Variants in LARGE1 observed in about 807,000 individuals in gnomAD.
LARGE1 encodes the protein xylosyl- and glucuronyltransferase LARGE1.
A neutral mutation model predicts 87.6 loss-of-function variants in LARGE1; 43 were observed. The observed-to-expected ratio is 0.49, with a 90% CI of 0.38 to 0.63. The LOEUF (loss-of-function observed/expected upper bound fraction) is 0.63. LARGE1 is among the 30% of genes least tolerant of loss of function. LARGE1 has a pLI of 0.00. For missense variants in LARGE1, 802 were observed against 1,000.2 expected, an observed-to-expected ratio of 0.80 and a Z score of 2.67; for synonymous variants, 434 against 394.6, an observed-to-expected ratio of 1.10 and a Z score of -1.18.
At position 33,832,626 on chromosome 22, in the gene LARGE1, C is replaced by G. The variant is rs1477034024; in HGVS notation, c.-82-71068G>C. 2.6e-5 allele frequency among the ~76,000 whole-genome samples: 4 copies of G among 152,234 alleles called. No individual in the cohort carries two copies. In the East Asian group the frequency reaches 7.7e-4, roughly 29 times the overall value. On this transcript the variant is annotated intron_variant, in intron 1 of 14. Transcript: ENST00000397394. ...GCAACCCCAGAGGGCTCGGAATCAG[C>G]TGACTGTACCCACTGTGCATAGGCT...
chr22:33,309,099 C>A (rs553868855), intron 11 of LARGE1, among the ~76,000 whole-genome samples: 4 of 151,866 alleles, frequency 2.6e-5, no homozygotes, highest in East Asian at 3.9e-4. Context: ...AAAAGACAAT[C>A]GACAAACCAG....
chr22:33,598,590 T>C (rs1373014065), intron 5 of LARGE1, among the ~76,000 whole-genome samples: 3 of 152,046 alleles, frequency 2.0e-5, no homozygotes, highest in Non-Finnish European at 4.4e-5. Context: ...GTTCTCATTG[T>C]TCAACTCCCA....
chr22:33,791,380 A>C (rs2085819517), intron 1 of LARGE1, among the ~76,000 whole-genome samples: 1 of 152,224 alleles, frequency 6.6e-6, no homozygotes, highest in Admixed American at 6.5e-5. Context: ...ACAACTCAGT[A>C]ATTTCCATGG....
chr22:33,626,956 T>C (rs1285879809), intron 3 of LARGE1, among the ~76,000 whole-genome samples: 1 of 152,232 alleles, frequency 6.6e-6, no homozygotes, highest in Non-Finnish European at 1.5e-5. Flanking sequence ...CAGGGTCCAC[T>C]GACTCACTGC....
chr22:33,738,023 T>C (rs1031427792), intron 2 of LARGE1, among the ~76,000 whole-genome samples: 2 of 152,208 alleles, frequency 1.3e-5, no homozygotes, highest in Non-Finnish European at 2.9e-5. Context: ...CTGGCATTAA[T>C]ACAATTCAGT....
chr22:33,713,738 C>T (rs2082813086), intron 2 of LARGE1, among the ~76,000 whole-genome samples: 1 of 152,032 alleles, frequency 6.6e-6, no homozygotes, highest in Non-Finnish European at 1.5e-5. Context: ...GAGAGGATCA[C>T]TTGACCCCAG....
intron 11 of LARGE1, among the ~76,000 whole-genome samples, chr22:33,211,873 G>T (rs1369275611): frequency 6.6e-6 from 1 of 152,192 alleles, no homozygotes; most frequent in Non-Finnish European, 1.5e-5. Flanking sequence ...TCTGAATAAA[G>T]ATCAAACCAG....
At chr22:33,499,897 C>T (rs2070346175) in intron 6 of LARGE1, among the ~76,000 whole-genome samples, 1 of 152,152 alleles carries the variant, frequency 6.6e-6, no homozygotes, top group Non-Finnish European at 1.5e-5. Context: ...CCTCAATCTC[C>T]TGAGTAGCTG....
chr22:33,418,966 G>A (rs1035299697), intron 7 of LARGE1, among the ~76,000 whole-genome samples: 2 of 152,142 alleles, frequency 1.3e-5, no homozygotes, highest in African/African-American at 2.4e-5. Context: ...CTGAACACCT[G>A]AAGAATCCCA....
intron 11 of LARGE1, among the ~76,000 whole-genome samples, chr22:33,205,948 CTTTTTTT>C (rs386395258): frequency 2.4e-5 from 2 of 84,968 alleles, no homozygotes; most frequent in South Asian, 4.9e-4. Context: ...CATGCTAATT[CTTTTTTT>C]TTTTTTTTTT....
intron 7 of LARGE1, among the ~76,000 whole-genome samples, chr22:33,391,884 C>T (rs1430419536): frequency 1.3e-5 from 2 of 151,422 alleles, no homozygotes; most frequent in Non-Finnish European, 2.9e-5. Flanking sequence ...ATTCTCCTGC[C>T]TCAGCCTCCC....
chr22:33,823,859 C>T (rs965509046), intron 1 of LARGE1, among the ~76,000 whole-genome samples: 2 of 152,150 alleles, frequency 1.3e-5, no homozygotes, highest in African/African-American at 2.4e-5. Context: ...GGGCACGTCT[C>T]GATACAGGGC....
chr22:33,566,299 G>C (rs1294881505), intron 5 of LARGE1, among the ~76,000 whole-genome samples: 2 of 152,124 alleles, frequency 1.3e-5, no homozygotes, highest in Non-Finnish European at 2.9e-5. Context: ...TGTGGATCAA[G>C]ATATAATTTC....
intron 6 of LARGE1, among the ~76,000 whole-genome samples, chr22:33,506,377 G>C (rs2070767161): frequency 6.6e-6 from 1 of 152,160 alleles, no homozygotes; most frequent in African/African-American, 2.4e-5. Context: ...CCCCAGAGCA[G>C]GGATCTGGCA....
chr22:33,741,250 C>T (rs1175953742), intron 2 of LARGE1, among the ~76,000 whole-genome samples: 1 of 152,164 alleles, frequency 6.6e-6, no homozygotes, highest in African/African-American at 2.4e-5. Context: ...CAATAGCTCA[C>T]CTGATACATC....
At chr22:33,149,015 G>A in the LARGE1 span, among the ~76,000 whole-genome samples, 2 of 150,942 alleles carry the variant, frequency 1.3e-5, no homozygotes, top group African/African-American at 4.9e-5. Flanking sequence ...CCTGGTTTAT[G>A]GCTTCATTTT....
chr22:33,195,505 T>C (rs568875781), intron 11 of LARGE1, among the ~76,000 whole-genome samples: 22 of 152,130 alleles, frequency 1.4e-4, no homozygotes, highest in African/African-American at 5.1e-4. Flanking sequence ...AGAATTAAAT[T>C]AGACACAAGT....
chr22:33,916,901 T>C (rs2065803976), intron 1 of LARGE1, among the ~76,000 whole-genome samples: 1 of 152,236 alleles, frequency 6.6e-6, no homozygotes, highest in Non-Finnish European at 1.5e-5. Context: ...TCCAATCTCT[T>C]ACCCCTTGGC....
rs189510753 is a variant in LARGE1, at chr22:33,683,595, T to C, written c.107-32927A>G. Among the ~76,000 whole-genome samples the C allele has an allele frequency of 5.9e-5, 9 of 151,646 alleles. No individual in the cohort carries two copies. In the East Asian group the frequency reaches 7.8e-4, roughly 13 times the overall value. ...CAGACAGACAGATGATAGGTAGAGA[T>C]AGAGGAAAACTGAGGAACAGAATGG... On this transcript the variant is annotated intron_variant, in intron 2 of 14. Coordinates refer to ENST00000397394, the MANE Select transcript of LARGE1 (RefSeq NM_133642.5).
Sources: allele counts gnomAD v4.1 joint callset (sites outside exome capture counted in the v4.1 genomes callset), GRCh38; gene constraint gnomAD v4.1.1; transcripts MANE v1.5; gene names NCBI Gene and HGNC (gene_info 2026-07-23, HGNC 2026-07-21).